EGF: variants seen among roughly 807,000 people sequenced by gnomAD.
EGF encodes epidermal growth factor.
Under a neutral mutation model 143.8 loss-of-function variants are expected in EGF, and 95 were observed. That is an observed-to-expected ratio of 0.66 (90% CI 0.56 to 0.78). The LOEUF (loss-of-function observed/expected upper bound fraction) is 0.78, where lower values mean the gene tolerates loss of function less well. Ranked by LOEUF, EGF falls within the 30% of genes least tolerant of loss-of-function variation. The pLI is 0.00. For missense variants in EGF, 1,320 were observed against 1,470.9 expected (o/e 0.90, Z 1.68); for synonymous variants, 510 against 510.5 (o/e 1.00, Z 0.01).
chr4:110,003,426 A>G (rs1328509988), intron 21 of EGF, among the ~76,000 whole-genome samples: 1 of 152,010 alleles, frequency 6.6e-6, no homozygotes, highest in Non-Finnish European at 1.5e-5. Flanking sequence ...ACTTGTTTCA[A>G]TTTTTTTCCT....
At chr4:109,937,844 A>C (rs180754538) in intron 1 of EGF, among the ~76,000 whole-genome samples, 1 of 151,858 alleles carries the variant, frequency 6.6e-6, no homozygotes, top group African/African-American at 2.4e-5. Flanking sequence ...ATTGGCCCCC[A>C]CTCTCTTCTG....
rs11569075 is a variant in EGF, at chr4:109,993,079, T to C, written c.2735-168T>C. ...ACCTGCACCTTGTGCATGTGAACCC[T>C]AGAACTTTAAGTATAATAAAAAATA... On this transcript the variant is annotated intron_variant, in intron 18 of 23. Transcript: ENST00000265171. Among the ~76,000 whole-genome samples, 312 of 152,214 alleles carry C rather than the reference T, an allele frequency of 2.0e-3. 3 individuals carry two copies. Among genetic ancestry groups the C allele is most frequent in the African/African-American group, 7.3e-3 (305 of 41,526 alleles).
At chr4:109,949,602 T>G (rs933109657) in intron 5 of EGF, among the ~76,000 whole-genome samples, 2 of 151,930 alleles carry the variant, frequency 1.3e-5, no homozygotes, top group African/African-American at 4.8e-5. Context: ...GAATCTATTA[T>G]TTGTAGTTCA....
chr4:109,988,256 A>G (rs955195996), intron 17 of EGF, among the ~76,000 whole-genome samples: 15 of 151,538 alleles, frequency 9.9e-5, no homozygotes, highest in Admixed American at 2.0e-4. Flanking sequence ...GAATAGATTA[A>G]TGGATGGGTT....
intron 1 of EGF, among the ~76,000 whole-genome samples, chr4:109,926,509 C>T (rs530708843): frequency 1.7e-3 from 253 of 152,132 alleles, no homozygotes; most frequent in African/African-American, 5.8e-3. Flanking sequence ...CGCCCGCCAC[C>T]ACACCCGGCT....
In EGF at chr4:109,945,149, G is replaced by C; in HGVS notation, c.814G>C (p.Ala272Pro). ...STWKMKTIWI[A>P]NKHTGKDMVR... The stretch of plus-strand genomic sequence containing the variant: ...ATGGAAAATGAAGACAATTTGGATA[G>C]CCAACAAACACACTGGAAAGGACAT... The change falls in exon 5 of 24, where the codon GCC becomes CCC. Residue 272 changes from alanine (A) to proline (P), a missense_variant. By Grantham distance (27) the Ala-to-Pro change is conservative. Coordinates refer to ENST00000265171, the MANE Select transcript of EGF (RefSeq NM_001963.6). 6.2e-7 allele frequency: 1 copy of C among 1,614,104 alleles called. No homozygotes were observed. The highest frequency in any genetic ancestry group is 8.5e-7 in the Non-Finnish European group (1 of 1,180,020).
rs150366295 is a variant in EGF at position 109,950,013 on chromosome 4, C to G, written c.940+4738C>G. 5.9e-3 allele frequency among the ~76,000 whole-genome samples: 891 copies of G among 152,290 alleles called. 14 individuals carry two copies. Among genetic ancestry groups the G allele is most frequent in the African/African-American group, 0.02 (835 of 41,554 alleles). On this transcript the variant is annotated intron_variant, in intron 5 of 23. Coordinates refer to ENST00000265171, the MANE Select transcript of EGF (RefSeq NM_001963.6). ...ATGATCTGACCAGTTTCCTGAAGAG[C>G]AGTTGCCCTGGTCCTTCTTCTGGGC... is the stretch of plus-strand genomic sequence containing the variant.
intron 21 of EGF, chr4:110,001,758 C>T: frequency 1.0e-6 from 1 of 985,388 alleles, no homozygotes; most frequent in Non-Finnish European, 1.2e-6. Context: ...GTATCTTCAA[C>T]CTCAGACTCT....
At chr4:109,936,418 C>G (rs1453330353) in intron 1 of EGF, among the ~76,000 whole-genome samples, 1 of 151,908 alleles carries the variant, frequency 6.6e-6, no homozygotes. Context: ...TTTATTGTGT[C>G]TATTTGATTC....
At position 109,959,222 on chromosome 4, in the gene EGF, A is replaced by C. The variant is rs11568926; in HGVS notation, c.941-90A>C. ...AGATGCAGCTGTAGACGTTGTAGGG[A>C]GGTAAGACCTCTTAAGAATCAGGAA... On this transcript the variant is annotated intron_variant, in intron 5 of 23. Coordinates refer to ENST00000265171, the MANE Select transcript of EGF (RefSeq NM_001963.6). 1.6e-3 allele frequency: 2,576 copies of C among 1,584,780 alleles called. 30 individuals are homozygous for C. The African/African-American group carries it at 0.028, about 17-fold the overall frequency.
At chr4:109,970,638 A>G (rs954725943) in intron 11 of EGF, among the ~76,000 whole-genome samples, 2 of 152,050 alleles carry the variant, frequency 1.3e-5, no homozygotes, top group Non-Finnish European at 2.9e-5. Context: ...CATCCTGGCT[A>G]ACATGGTGAA....
intron 10 of EGF, among the ~76,000 whole-genome samples, chr4:109,966,989 G>A (rs1368982007): frequency 6.6e-6 from 1 of 152,052 alleles, no homozygotes; most frequent in Non-Finnish European, 1.5e-5. Flanking sequence ...CCATACTGTA[G>A]GTTATCTGTT....
chr4:109,954,753 A>C (rs930147823), intron 5 of EGF, among the ~76,000 whole-genome samples: 28 of 152,226 alleles, frequency 1.8e-4, no homozygotes, highest in African/African-American at 6.8e-4. Context: ...ACACACATAG[A>C]ATTTTACGTA....
chr4:109,956,082 G>T (rs1341907631), intron 5 of EGF, among the ~76,000 whole-genome samples: 2 of 152,166 alleles, frequency 1.3e-5, no homozygotes, highest in East Asian at 1.9e-4. Flanking sequence ...AGTAATTAAG[G>T]TTTGATAATC....
chr4:109,913,560 G>C, intron 1 of EGF, 98 bp downstream of exon 1: 1 of 1,540,166 alleles, frequency 6.5e-7, no homozygotes, highest in Non-Finnish European at 8.8e-7. Flanking sequence ...AACAAAGTTT[G>C]TCTTTGGGTA....
intron 1 of EGF, among the ~76,000 whole-genome samples, chr4:109,940,020 C>T (rs1036225087): frequency 1.3e-5 from 2 of 152,140 alleles, no homozygotes; most frequent in Non-Finnish European, 2.9e-5. Context: ...TAATTTCATC[C>T]TCTGGTGTCA....
At chr4:109,946,566 C>T (rs1391419655) in intron 5 of EGF, among the ~76,000 whole-genome samples, 1 of 152,132 alleles carries the variant, frequency 6.6e-6, no homozygotes, top group Non-Finnish European at 1.5e-5. Flanking sequence ...TCACAGTACA[C>T]CTTTCATTGA....
intron 5 of EGF, among the ~76,000 whole-genome samples, chr4:109,953,217 T>C (rs2298983): frequency 0.54 from 82,860 of 152,068 alleles, 25,373 homozygotes; most frequent in African/African-American, 0.83. Flanking sequence ...TATTCTTTTT[T>C]GTGATGTTCA....
intron 17 of EGF, 52 bp from the exon 18 acceptor site, chr4:109,988,532 A>G (rs1750476931): frequency 1.2e-6 from 2 of 1,612,876 alleles, no homozygotes; most frequent in South Asian, 1.1e-5. Flanking sequence ...AACTAGTCCC[A>G]TTTATATCAG....
Sources: allele counts gnomAD v4.1 joint callset (sites outside exome capture counted in the v4.1 genomes callset), GRCh38; gene constraint gnomAD v4.1.1; transcripts MANE v1.5; gene names NCBI Gene and HGNC (gene_info 2026-07-23, HGNC 2026-07-21).